The following CALCOCO2 variants were observed in gnomAD, a reference collection of about 807,000 sequenced individuals.
CALCOCO2 encodes the protein calcium-binding and coiled-coil domain-containing protein 2.
In CALCOCO2, 42 loss-of-function variants were observed where a neutral mutation model predicts 62.5. The observed-to-expected ratio is 0.67, with a 90% CI of 0.53 to 0.87. CALCOCO2 has a LOEUF of 0.87. Ranked by LOEUF, CALCOCO2 falls within the 40% of genes least tolerant of loss-of-function variation. CALCOCO2 has a pLI of 0.00. For synonymous variants in CALCOCO2, 167 were observed against 173.0 expected (o/e 0.97, Z 0.27); for missense variants, 456 against 515.0 (o/e 0.89, Z 1.11).
chr17:48,858,036 A>C (rs1275161366), intron 10 of CALCOCO2, among the ~76,000 whole-genome samples: 2 of 15,668 alleles, frequency 1.3e-4, no homozygotes, highest in Admixed American at 1.3e-3. Context: ...ATAGAATAGA[A>C]TAGAATAGAA....
At chr17:48,833,665 C>T (rs1026227986) in intron 1 of CALCOCO2, among the ~76,000 whole-genome samples, 2 of 152,084 alleles carry the variant, frequency 1.3e-5, no homozygotes, top group Non-Finnish European at 2.9e-5. Flanking sequence ...ATTTGCATGT[C>T]TTTCTTGCCT....
chr17:48,854,344 C>T (rs2040175862), intron 9 of CALCOCO2, among the ~76,000 whole-genome samples: 1 of 100,114 alleles, frequency 1.0e-5, no homozygotes, highest in African/African-American at 3.6e-5. Context: ...GTTTGAACCT[C>T]TTTGTGATAG....
rs1376662340 is a variant in CALCOCO2, at chr17:48,853,023, C to T, written c.912+11C>T. 14 of 1,584,534 alleles carry T rather than the reference C, an allele frequency of 8.8e-6. No individual in the cohort carries two copies. Among genetic ancestry groups the T allele is most frequent in the Non-Finnish European group, 1.2e-5 (14 of 1,153,184 alleles). The stretch of plus-strand genomic sequence containing the variant: ...CAACAGGAATTAATGGCATGTCTGT[C>T]TTTGGATGGTTATGTGGGAGGGAGC... On this transcript the variant is annotated intron_variant, in intron 9 of 12. Transcript: ENST00000258947.
intron 9 of CALCOCO2, among the ~76,000 whole-genome samples, chr17:48,854,720 T>G (rs186394575): frequency 4.5e-4 from 68 of 151,640 alleles, no homozygotes; most frequent in African/African-American, 1.6e-3. Context: ...TTCTTAGTTT[T>G]CATGGAATAT....
At chr17:48,838,824 A>C (rs2143579820) in intron 1 of CALCOCO2, among the ~76,000 whole-genome samples, 1 of 152,248 alleles carries the variant, frequency 6.6e-6, no homozygotes, top group Non-Finnish European at 1.5e-5. Context: ...TTGCATGTGT[A>C]TAGCTCTTTC....
At chr17:48,834,788 C>T (rs1020444479) in intron 1 of CALCOCO2, among the ~76,000 whole-genome samples, 1 of 152,114 alleles carries the variant, frequency 6.6e-6, no homozygotes, top group Non-Finnish European at 1.5e-5. Flanking sequence ...TGACTCACGC[C>T]TGTAATCCCA....
At chr17:48,855,347 G>GCA (rs2040200006) in intron 9 of CALCOCO2, among the ~76,000 whole-genome samples, 1 of 152,188 alleles carries the variant, frequency 6.6e-6, no homozygotes, top group Non-Finnish European at 1.5e-5. Flanking sequence ...CATTGTCACT[G>GCA]GGTAGCCCCC....
Position 48,857,360 on chromosome 17 carries a change from G to A in CALCOCO2, c.1008+1173G>A, listed in dbSNP as rs559883407. Among the ~76,000 whole-genome samples, 53 of 151,592 alleles carry A rather than the reference G, an allele frequency of 3.5e-4. 1 individual carries two copies. Among genetic ancestry groups the A allele is most frequent in the Non-Finnish European group, 5.6e-4 (38 of 67,928 alleles). ...TTACAGGCAATTGCCACCACGCCTG[G>A]CTAGTTTTGTATTTTTAGTAGAGAC... On this transcript the variant is annotated intron_variant, in intron 10 of 12. Coordinates refer to ENST00000258947, the MANE Select transcript of CALCOCO2 (RefSeq NM_005831.5).
chr17:48,861,642 T>G (rs1017299040), intron 11 of CALCOCO2, among the ~76,000 whole-genome samples: 82 of 20,242 alleles, frequency 4.1e-3, no homozygotes, highest in African/African-American at 0.01. Flanking sequence ...TATATATGTA[T>G]ATATATATAT....
chr17:48,855,155 G>A (rs2040195728), intron 9 of CALCOCO2, among the ~76,000 whole-genome samples: 2 of 152,190 alleles, frequency 1.3e-5, no homozygotes, highest in Non-Finnish European at 2.9e-5. Context: ...TAGCATGGGG[G>A]TCCCTGGAAA....
At position 48,863,226 on chromosome 17, in the gene CALCOCO2, A is replaced by G; in HGVS notation, c.*221A>G. The G allele has an allele frequency of 2.0e-6, 1 of 497,102 alleles. No homozygotes were observed. The highest frequency in any genetic ancestry group is 3.7e-6 in the Non-Finnish European group (1 of 271,636). The allele number at this position is 497,102 out of a possible 1,614,324, so 30.8% of individuals were successfully genotyped here. A position where few individuals can be genotyped will look rare whatever the true frequency, so the allele number is the denominator to read the frequency against. On this transcript the variant is annotated 3_prime_UTR_variant, in exon 13 of 13. Transcript: ENST00000258947. ...TGCTACCTTTAAGTCGCATAACTCT[A>G]GCTGTATCATCCTCTCACCTGTCAT...
intron 8 of CALCOCO2, 78 bp from the exon 9 acceptor site, chr17:48,852,848 C>CT: frequency 1.7e-6 from 2 of 1,156,748 alleles, no homozygotes; most frequent in Non-Finnish European, 2.6e-6. Flanking sequence ...TGCTCATTAG[C>CT]TTAGCAGGCC....
At chr17:48,852,340 A>G (rs2040145478) in intron 7 of CALCOCO2, 166 bp from the exon 8 acceptor site, 12 of 580,442 alleles carry the variant, frequency 2.1e-5, no homozygotes, top group South Asian at 1.6e-4. Flanking sequence ...TTAGGAAGCT[A>G]TGCCTTAAAG....
rs543879856 is a variant in CALCOCO2 at position 48,862,984 on chromosome 17, C to T, written c.1320C>T (p.His440=). ...PATEKQIFED[H]VFCHSL is the part of the protein sequence containing the mutation. ...CAGAGAAGCAGATCTTTGAAGACCA[C>T]GTGTTCTGCCACTCTCTCTGAGTAT... is the stretch of plus-strand genomic sequence containing the variant. The change falls in exon 13 of 13, where the codon CAC becomes CAT. Residue 440 remains histidine, a synonymous_variant. Coordinates refer to ENST00000258947, the MANE Select transcript of CALCOCO2 (RefSeq NM_005831.5). 24 of 1,612,980 alleles carry T rather than the reference C, an allele frequency of 1.5e-5. No homozygotes were observed. The highest frequency in any genetic ancestry group is 1.1e-4 in the South Asian group (10 of 91,066).
Position 48,857,497 on chromosome 17 carries a change from C to CTTTTTTTTTTTTTTTTTTTTTTTTTT in CALCOCO2, c.1008+1333_1008+1334insTTTTTTTTTTTTTTTTTTTTTTTTTT, listed in dbSNP as rs59318856. ...CAGGCGTGAGCCACTGCACCCGGCC[C>CTTTTTTTTTTTTTTTTTTTTTTTTTT]TTTTTTTTTTTTTTTTTTTTTTTGA... On this transcript the variant is annotated intron_variant, in intron 10 of 12. Transcript: ENST00000258947. 3.6e-4 allele frequency among the ~76,000 whole-genome samples: 14 copies of CTTTTTTTTTTTTTTTTTTTTTTTTTT among 38,442 alleles called. 2 individuals are homozygous for CTTTTTTTTTTTTTTTTTTTTTTTTTT. Among genetic ancestry groups the CTTTTTTTTTTTTTTTTTTTTTTTTTT allele is most frequent in the East Asian group, 2.0e-3 (1 of 504 alleles). 25.2% of individuals were successfully genotyped at this position (38,442 alleles called of 152,430 possible). A position where few individuals can be genotyped will look rare whatever the true frequency, so the allele number is the denominator to read the frequency against.
chr17:48,842,906 A>G (rs1461154949), intron 2 of CALCOCO2, among the ~76,000 whole-genome samples: 1 of 148,488 alleles, frequency 6.7e-6, no homozygotes, highest in African/African-American at 2.6e-5. Flanking sequence ...CCCAAATTAA[A>G]TGCTTTTTAC....
intron 10 of CALCOCO2, among the ~76,000 whole-genome samples, chr17:48,858,952 G>A (rs551298165): frequency 4.8e-5 from 7 of 146,640 alleles, no homozygotes; most frequent in African/African-American, 1.8e-4. Flanking sequence ...GGCTGAGGCA[G>A]GAGAATCGCT....
In CALCOCO2 at chr17:48,848,094, A is replaced by G. The variant is rs771231561; in HGVS notation, c.211A>G (p.Thr71Ala). The G allele has an allele frequency of 2.2e-5, 35 of 1,612,812 alleles. No homozygotes were observed. The highest frequency in any genetic ancestry group is 2.9e-5 in the Non-Finnish European group (34 of 1,178,906). ...GTGGAAGACAACCCGTGAGTATTAC[A>G]CCTTCATGTGGGTTACTTTGCCCAT... ...VGWKTTREYYTFMWVTLPIDL... is the reference protein window; with the variant it reads ...VGWKTTREYYAFMWVTLPIDL... The change falls in exon 3 of 13, where the codon ACC becomes GCC. Residue 71 changes from threonine (T) to alanine (A), a missense_variant. Thr to Ala is a moderately conservative substitution (Grantham distance 58). Around this residue, in one of 3 missense-constraint regions of CALCOCO2, gnomAD observed 236 missense variants for 225.3 expected, o/e 1.05. Coordinates refer to ENST00000258947, the MANE Select transcript of CALCOCO2 (RefSeq NM_005831.5).
Position 48,849,354 on chromosome 17 carries a change from C to G in CALCOCO2, c.520C>G (p.Gln174Glu). ...ISLQKQNSDMQAELQKKQEEL... is the reference protein window; with the variant it reads ...ISLQKQNSDMEAELQKKQEEL... ...CCTCCAGAAGCAGAACTCAGACATG[C>G]AGGCTGAGCTCCAAAAGAAGCAGGT... Residue 174 changes from glutamine to glutamate, a missense_variant, in exon 5 of 13, where the codon CAG (glutamine) becomes GAG (glutamate). Physicochemically the swap from Gln to Glu is conservative, Grantham distance 29. Coordinates refer to ENST00000258947, the MANE Select transcript of CALCOCO2 (RefSeq NM_005831.5). The G allele has an allele frequency of 6.2e-7, 1 of 1,613,314 alleles. No individual in the cohort carries two copies. The highest frequency in any genetic ancestry group is 8.5e-7 in the Non-Finnish European group (1 of 1,179,662).
Sources: allele counts gnomAD v4.1 joint callset (sites outside exome capture counted in the v4.1 genomes callset), GRCh38; gene constraint gnomAD v4.1.1; regional missense constraint gnomAD v4.1.1; transcripts MANE v1.5; gene names NCBI Gene and HGNC (gene_info 2026-07-23, HGNC 2026-07-21).